Variants in SIGLECL1 observed in about 807,000 individuals in gnomAD.
SIGLECL1 encodes SIGLEC family-like protein 1.
A neutral mutation model predicts 19.1 loss-of-function variants in SIGLECL1; 16 were observed. The ratio of observed to expected loss-of-function variants is 0.84; its 90% confidence interval spans 0.57 to 1.27. The LOEUF is 1.27. Among genes scored for constraint, SIGLECL1 ranks in the 50% most tolerant of loss-of-function variants. SIGLECL1 has a pLI of 0.00. For synonymous variants in SIGLECL1, 89 were observed against 90.4 expected (o/e 0.98, Z 0.09); for missense variants, 210 against 239.4 (o/e 0.88, Z 0.81).
upstream of SIGLECL1, among the ~76,000 whole-genome samples, chr19:51,248,250 G>A (rs1982329466): frequency 6.6e-6 from 1 of 152,146 alleles, no homozygotes; most frequent in Non-Finnish European, 1.5e-5. Context: ...AAGAAGATTA[G>A]GGTGGGGTTA....
At position 51,269,244 on chromosome 19, in the gene SIGLECL1, A is replaced by G. The variant is rs956995530; in HGVS notation, c.*647A>G. On this transcript the variant is annotated 3_prime_UTR_variant, in exon 6 of 6. Coordinates refer to ENST00000601727, the MANE Select transcript of SIGLECL1 (RefSeq NM_001385465.1). ...CTGACTCCCTTAGAATGTAAGTTCCAAGAGAACAGGGACTTTGTCTGCCTT... is the reference window on the plus strand; with the variant it reads ...CTGACTCCCTTAGAATGTAAGTTCCGAGAGAACAGGGACTTTGTCTGCCTT... The G allele has an allele frequency of 6.6e-6, 1 of 152,272 alleles. No individual in the cohort carries two copies. Among genetic ancestry groups the G allele is most frequent in the Admixed American group, 6.5e-5 (1 of 15,286 alleles). The allele number at this position is 152,272 out of a possible 1,614,324, so 9.4% of individuals were successfully genotyped here. A position where few individuals can be genotyped will look rare whatever the true frequency, so the allele number is the denominator to read the frequency against.
At position 51,265,993 on chromosome 19, in the gene SIGLECL1, G is replaced by T. The variant is rs907312004; in HGVS notation, c.410+111G>T. 2.8e-5 allele frequency: 29 copies of T among 1,019,674 alleles called. 1 individual carries two copies. The highest frequency in any genetic ancestry group is 4.0e-5 in the Non-Finnish European group (27 of 668,342). The allele number at this position is 1,019,674 out of a possible 1,614,324, so 63.2% of individuals were successfully genotyped here. ...GACCCCTCCCCTCAAGGAGCTTAGGGTCTAAAGAGGGAAAGATGTACCAAA... is the reference window on the plus strand; with the variant it reads ...GACCCCTCCCCTCAAGGAGCTTAGGTTCTAAAGAGGGAAAGATGTACCAAA... On this transcript the variant is annotated intron_variant, in intron 4 of 5. Coordinates refer to ENST00000601727, the MANE Select transcript of SIGLECL1 (RefSeq NM_001385465.1).
Position 51,265,853 on chromosome 19 carries a change from G to A in SIGLECL1, c.381G>A (p.Ala127=), listed in dbSNP as rs143870443. ...QGAIYAGIVI[A]LLFLCLLPLI... ...CTATCTATGCGGGAATTGTAATTGCGCTGCTCTTCCTCTGCCTCCTCCCTC... is the reference window on the plus strand; with the variant it reads ...CTATCTATGCGGGAATTGTAATTGCACTGCTCTTCCTCTGCCTCCTCCCTC... The change falls in exon 4 of 6, where the codon GCG becomes GCA. Residue 127 remains alanine, a synonymous_variant. Transcript: ENST00000601727. 2.7e-4 allele frequency: 428 copies of A among 1,614,130 alleles called. 1 individual carries two copies. In the African/African-American group the frequency reaches 4.7e-3, roughly 18 times the overall value.
intron 1 of SIGLECL1, among the ~76,000 whole-genome samples, chr19:51,256,469 C>CAAA (rs1232083993): frequency 2.0e-5 from 3 of 152,156 alleles, no homozygotes; most frequent in African/African-American, 7.2e-5. Flanking sequence ...CTAAGAAAGT[C>CAAA]AAACGCATGG....
chr19:51,248,929 G>A (rs941184306), upstream of SIGLECL1, among the ~76,000 whole-genome samples: 2 of 152,128 alleles, frequency 1.3e-5, no homozygotes. Flanking sequence ...TGCTTACTTG[G>A]AAACAAAGGC....
chr19:51,251,903 G>A (rs982027182), intron 1 of SIGLECL1, among the ~76,000 whole-genome samples: 2 of 152,206 alleles, frequency 1.3e-5, no homozygotes, highest in Non-Finnish European at 2.9e-5. Flanking sequence ...TACACAGATG[G>A]AAGTGTGCTG....
chr19:51,264,350 A>T, intron 2 of SIGLECL1: 1 of 439,328 alleles, frequency 2.3e-6, no homozygotes, highest in Non-Finnish European at 4.1e-6. Flanking sequence ...TGAGAGCACT[A>T]GGAGCTGTTT....
At chr19:51,261,170 T>C (rs1259615900) in intron 1 of SIGLECL1, among the ~76,000 whole-genome samples, 1 of 152,276 alleles carries the variant, frequency 6.6e-6, no homozygotes, top group African/African-American at 2.4e-5. Context: ...TATGCCATTC[T>C]ATCTTTGGTA....
chr19:51,266,906 G>C (rs1983721106), intron 4 of SIGLECL1, among the ~76,000 whole-genome samples: 1 of 152,166 alleles, frequency 6.6e-6, no homozygotes, highest in Non-Finnish European at 1.5e-5. Context: ...AGATTAGAGA[G>C]AGTGAGAGCC....
intron 1 of SIGLECL1, among the ~76,000 whole-genome samples, chr19:51,263,187 G>T (rs150859201): frequency 6.6e-6 from 1 of 152,118 alleles, no homozygotes; most frequent in Non-Finnish European, 1.5e-5. Context: ...ACAGGGTCTC[G>T]TGCTGTCTCT....
rs1344393402 is a variant in SIGLECL1 at position 51,251,146 on chromosome 19, C to T, written c.-590C>T. The T allele has an allele frequency of 1.3e-5, 2 of 152,298 alleles. No homozygotes were observed. The highest frequency in any genetic ancestry group is 4.8e-5 in the African/African-American group (2 of 41,464). 9.4% of individuals were successfully genotyped at this position (152,298 alleles called of 1,614,324 possible). A position where few individuals can be genotyped will look rare whatever the true frequency, so the allele number is the denominator to read the frequency against. ...TATCACGCCCCTCACGCCGCTATCT[C>T]TGTGCAGCCGACTGAGGATCCCTAG... is the stretch of plus-strand genomic sequence containing the variant. On this transcript the variant is annotated 5_prime_UTR_variant, in exon 1 of 6. Transcript: ENST00000601727.
In SIGLECL1 at chr19:51,255,632, T is replaced by C. The variant is rs1317260836; in HGVS notation, c.-191+4087T>C. Among the ~76,000 whole-genome samples the C allele has an allele frequency of 1.3e-5, 2 of 152,184 alleles. 1 individual carries two copies. Among genetic ancestry groups the C allele is most frequent in the African/African-American group, 4.8e-5 (2 of 41,436 alleles). ...CCCAATTAAAAAATGGGCAAGGACC[T>C]GAATAGGCATTTCATAAAAGAAGAC... On this transcript the variant is annotated intron_variant, in intron 1 of 5. Transcript: ENST00000601727.
upstream of SIGLECL1, among the ~76,000 whole-genome samples, chr19:51,247,038 G>T (rs1982283858): frequency 6.6e-6 from 1 of 152,140 alleles, no homozygotes; most frequent in African/African-American, 2.4e-5. Flanking sequence ...ATTTTGAGTT[G>T]GTCTGGCAAT....
chr19:51,254,910 T>C (rs950760500), intron 1 of SIGLECL1, among the ~76,000 whole-genome samples: 2 of 152,164 alleles, frequency 1.3e-5, no homozygotes, highest in African/African-American at 4.8e-5. Flanking sequence ...GATACTCACA[T>C]GGAAATTGGA....
rs1983862451 is a variant in SIGLECL1, at chr19:51,268,855, A to G, written c.*258A>G. ...TAATTTGTTGTTTGGCTAAATGAGA[A>G]GAAATCTGTGCCACCCTGGGAAGGT... is the stretch of plus-strand genomic sequence containing the variant. On this transcript the variant is annotated 3_prime_UTR_variant, in exon 6 of 6. Coordinates refer to ENST00000601727, the MANE Select transcript of SIGLECL1 (RefSeq NM_001385465.1). The G allele has an allele frequency of 4.6e-6, 2 of 437,424 alleles. No individual in the cohort carries two copies. The highest frequency in any genetic ancestry group is 4.0e-5 in the Admixed American group (1 of 25,244). The allele number at this position is 437,424 out of a possible 1,614,324, so 27.1% of individuals were successfully genotyped here. A position where few individuals can be genotyped will look rare whatever the true frequency, so the allele number is the denominator to read the frequency against.
chr19:51,249,297 G>A (rs1982361772), upstream of SIGLECL1, among the ~76,000 whole-genome samples: 1 of 152,104 alleles, frequency 6.6e-6, no homozygotes, highest in South Asian at 2.1e-4. Flanking sequence ...AGGTAGAAGA[G>A]GGGCTGGCAG....
intron 1 of SIGLECL1, among the ~76,000 whole-genome samples, chr19:51,254,394 C>G (rs1181483558): frequency 1.3e-5 from 2 of 150,510 alleles, no homozygotes; most frequent in African/African-American, 4.9e-5. Flanking sequence ...CAAATGCCAT[C>G]AACTGATGAA....
In SIGLECL1 at chr19:51,268,838, T is replaced by C; in HGVS notation, c.*241T>C. ...TCTGAAGACACACTTTGTAATTTGT[T>C]GTTTGGCTAAATGAGAAGAAATCTG... On this transcript the variant is annotated 3_prime_UTR_variant, in exon 6 of 6. Transcript: ENST00000601727. The C allele has an allele frequency of 2.2e-6, 1 of 460,686 alleles. No homozygotes were observed. Among genetic ancestry groups the C allele is most frequent in the Non-Finnish European group, 3.8e-6 (1 of 261,992 alleles). The allele number at this position is 460,686 out of a possible 1,614,324, so 28.5% of individuals were successfully genotyped here. A position where few individuals can be genotyped will look rare whatever the true frequency, so the allele number is the denominator to read the frequency against.
In SIGLECL1 at chr19:51,264,094, G is replaced by A. The variant is rs1568445496; in HGVS notation, c.22G>A (p.Val8Ile). The A allele has an allele frequency of 1.2e-6, 2 of 1,614,004 alleles. No individual in the cohort carries two copies. The highest frequency in any genetic ancestry group is 2.2e-5 in the South Asian group (2 of 91,034). Residue 8 changes from valine to isoleucine, a missense_variant and splice_region_variant, in exon 2 of 6, where the codon GTA (valine) becomes ATA (isoleucine). Transcript: ENST00000601727. MLPLLQL[V>I]PAKLLNSSCS... is the part of the protein sequence containing the mutation. ...AGTGATGCTTCCACTGCTACAGCTG[G>A]GTAAGTAAGGTGAGAAGCAGCACTG...
Sources: gnomAD v4.1 joint callset for allele counts (sites outside exome capture counted in the v4.1 genomes callset) on GRCh38, gnomAD v4.1.1 for gene constraint, MANE v1.5 for transcripts, NCBI Gene and HGNC (gene_info 2026-07-23, HGNC 2026-07-21) for gene names.